The following ITPR1 variants were observed in gnomAD, a reference collection of about 807,000 sequenced individuals.
The protein encoded by ITPR1 is inositol 1,4,5-trisphosphate-gated calcium channel ITPR1.
ITPR1 carries 96 observed loss-of-function variants against 318.4 expected under a neutral mutation model. The ratio of observed to expected loss-of-function variants is 0.30; its 90% CI spans 0.26 to 0.36. The LOEUF is 0.36. ITPR1 is among the 10% of genes least tolerant of loss of function. The probability of loss-of-function intolerance (pLI) is 1.00; values close to 1 mark genes in which losing one functional copy is unlikely to be tolerated. For synonymous variants in ITPR1, 1,312 were observed against 1,289.9 expected, an observed-to-expected ratio of 1.02 and a Z score of -0.37; for missense variants, 2,440 against 3,460.2, an observed-to-expected ratio of 0.71 and a Z score of 7.40.
At chr3:4,786,197 C>A (rs1448394210) in intron 51 of ITPR1, among the ~76,000 whole-genome samples, 1 of 152,202 alleles carries the variant, frequency 6.6e-6, no homozygotes, top group Non-Finnish European at 1.5e-5. Context: ...CTCTTGATAG[C>A]AGGAGACGGC....
intron 4 of ITPR1, among the ~76,000 whole-genome samples, chr3:4,581,199 G>A (rs2089301642): frequency 6.6e-6 from 1 of 152,218 alleles, no homozygotes; most frequent in South Asian, 2.1e-4. Context: ...TTTTTGCCGA[G>A]GCAGCATCAG....
At chr3:4,556,249 G>C (rs1418865731) in intron 4 of ITPR1, among the ~76,000 whole-genome samples, 1 of 152,036 alleles carries the variant, frequency 6.6e-6, no homozygotes, top group Non-Finnish European at 1.5e-5. Flanking sequence ...TCTCTCTCTA[G>C]TAACACCCTC....
intron 20 of ITPR1, 36 bp from the exon 21 acceptor site, chr3:4,673,100 G>A (rs907345679): frequency 9.5e-6 from 15 of 1,585,708 alleles, no homozygotes; most frequent in Non-Finnish European, 1.2e-5. Context: ...AATGATTTCT[G>A]GAGCGTGAGC....
At chr3:4,732,603 C>T (rs1187203388) in intron 42 of ITPR1, among the ~76,000 whole-genome samples, 3 of 152,074 alleles carry the variant, frequency 2.0e-5, no homozygotes, top group East Asian at 1.9e-4. Flanking sequence ...TTTGGCCCAT[C>T]GACTATTTTT....
intron 46 of ITPR1, among the ~76,000 whole-genome samples, chr3:4,774,463 A>G (rs1032192457): frequency 2.0e-5 from 3 of 152,216 alleles, no homozygotes; most frequent in African/African-American, 7.2e-5. Context: ...CGCTTTGGTA[A>G]CTGAGGAAAA....
chr3:4,834,973 A>AG (rs1173108954), intron 60 of ITPR1, among the ~76,000 whole-genome samples: 2 of 152,320 alleles, frequency 1.3e-5, no homozygotes, highest in Non-Finnish European at 2.9e-5. Flanking sequence ...ATTTGTTATT[A>AG]GGGTGCATGC....
chr3:4,509,875 G>A (rs1472929509), intron 2 of ITPR1, among the ~76,000 whole-genome samples: 1 of 152,196 alleles, frequency 6.6e-6, no homozygotes, highest in East Asian at 1.9e-4. Flanking sequence ...ATATTTGACT[G>A]CTTGCTCTAT....
At chr3:4,821,567 A>T (rs557311618) in intron 60 of ITPR1, among the ~76,000 whole-genome samples, 2 of 152,324 alleles carry the variant, frequency 1.3e-5, no homozygotes, top group African/African-American at 4.8e-5. Context: ...AAAGAATGAC[A>T]TTTGACGAGT....
At chr3:4,777,023 C>T (rs953502291) in intron 47 of ITPR1, among the ~76,000 whole-genome samples, 1 of 152,220 alleles carries the variant, frequency 6.6e-6, no homozygotes, top group Admixed American at 6.5e-5. Context: ...GGATTAGACA[C>T]AACCAATTTA....
intron 2 of ITPR1, among the ~76,000 whole-genome samples, chr3:4,506,206 C>T (rs577344694): frequency 4.6e-5 from 7 of 152,108 alleles, no homozygotes; most frequent in Non-Finnish European, 1.0e-4. Context: ...AACTTTTTAC[C>T]CTGGCTTGTG....
intron 4 of ITPR1, among the ~76,000 whole-genome samples, chr3:4,589,236 A>C (rs1169273291): frequency 6.6e-6 from 1 of 152,166 alleles, no homozygotes; most frequent in Non-Finnish European, 1.5e-5. Context: ...ATATAAGCAA[A>C]AGGTTCACAA....
chr3:4,568,873 C>T (rs974186974), intron 4 of ITPR1, among the ~76,000 whole-genome samples: 2 of 152,104 alleles, frequency 1.3e-5, no homozygotes, highest in African/African-American at 2.4e-5. Flanking sequence ...GCTCACAGTT[C>T]TGCAGTCTGT....
At chr3:4,650,640 T>TGC (rs2093574230) in intron 10 of ITPR1, among the ~76,000 whole-genome samples, 2 of 140,152 alleles carry the variant, frequency 1.4e-5, no homozygotes, top group African/African-American at 2.9e-5. Flanking sequence ...TGTGTGTGTG[T>TGC]GTGTGCGCGC....
At chr3:4,654,954 C>T (rs150821148) in intron 12 of ITPR1, among the ~76,000 whole-genome samples, 213 of 152,224 alleles carry the variant, frequency 1.4e-3, no homozygotes, top group African/African-American at 4.9e-3. Flanking sequence ...CCGAGGCTCA[C>T]CTTCCTTTTT....
intron 39 of ITPR1, among the ~76,000 whole-genome samples, chr3:4,713,787 C>T (rs775510975): frequency 6.6e-6 from 1 of 152,192 alleles, no homozygotes; most frequent in Non-Finnish European, 1.5e-5. Context: ...ATCAGTCACA[C>T]CTAAGCAGAG....
intron 52 of ITPR1, among the ~76,000 whole-genome samples, chr3:4,792,896 T>C (rs2047661450): frequency 6.6e-6 from 1 of 152,184 alleles, no homozygotes; most frequent in Non-Finnish European, 1.5e-5. Context: ...TTCATGAACA[T>C]ATTTTTAAAT....
chr3:4,572,887 A>G (rs748036513), intron 4 of ITPR1, among the ~76,000 whole-genome samples: 8 of 152,190 alleles, frequency 5.3e-5, no homozygotes, highest in Non-Finnish European at 8.8e-5. Flanking sequence ...GAATGTCTTA[A>G]TAGTTGATCA....
At chr3:4,792,369 T>G (rs1347717359) in intron 52 of ITPR1, among the ~76,000 whole-genome samples, 1 of 152,242 alleles carries the variant, frequency 6.6e-6, no homozygotes. Context: ...TAGTTGCTTT[T>G]TATTGCTGTA....
intron 23 of ITPR1, 36 bp downstream of exon 23, chr3:4,675,284 G>C (rs767867002): frequency 6.8e-7 from 1 of 1,477,436 alleles, no homozygotes; most frequent in Non-Finnish European, 9.3e-7. Context: ...TCTGAGAGAT[G>C]CCCTCCAGCC....
Sources: allele counts gnomAD v4.1 joint callset (sites outside exome capture counted in the v4.1 genomes callset), GRCh38; gene constraint gnomAD v4.1.1; transcripts MANE v1.5; gene names NCBI Gene and HGNC (gene_info 2026-07-23, HGNC 2026-07-21).